The following TJP2 variants were observed in gnomAD, a reference collection of about 807,000 sequenced individuals.
TJP2 encodes tight junction protein 2.
TJP2 carries 91 observed loss-of-function variants against 133.1 expected under a neutral mutation model. The observed-to-expected ratio is 0.68, with a 90% confidence interval of 0.58 to 0.81. TJP2 has a LOEUF of 0.81. Ranked by LOEUF, TJP2 falls within the 40% of genes least tolerant of loss-of-function variation. TJP2 has a pLI of 0.00. For missense variants in TJP2, 1,541 were observed against 1,565.6 expected (o/e 0.98, Z 0.26); for synonymous variants, 592 against 583.4 (o/e 1.01, Z -0.21).
chr9:69,209,545 G>A (rs1827702041), intron 1 of TJP2, among the ~76,000 whole-genome samples: 1 of 151,894 alleles, frequency 6.6e-6, no homozygotes, highest in Non-Finnish European at 1.5e-5. Flanking sequence ...TCTAAGGTTG[G>A]GAGTTTGAGA....
chr9:69,167,167 G>T (rs1824402832), intron 2 of TJP2, among the ~76,000 whole-genome samples: 1 of 152,080 alleles, frequency 6.6e-6, no homozygotes, highest in African/African-American at 2.4e-5. Flanking sequence ...GAACTCAGGA[G>T]GCGGACGTTG....
chr9:69,241,319 AG>A (rs1830563475), intron 17 of TJP2, among the ~76,000 whole-genome samples: 1 of 152,200 alleles, frequency 6.6e-6, no homozygotes, highest in Non-Finnish European at 1.5e-5. Context: ...GTGGTCATGC[AG>A]GGCATTATTT....
At chr9:69,228,615 T>C (rs1563935650) in intron 9 of TJP2, among the ~76,000 whole-genome samples, 2 of 152,338 alleles carry the variant, frequency 1.3e-5, no homozygotes, top group East Asian at 3.8e-4. Context: ...TGTATATGTG[T>C]ATGTATAGAT....
chr9:69,188,807 TC>T, intron 1 of TJP2, among the ~76,000 whole-genome samples: 1 of 152,304 alleles, frequency 6.6e-6, no homozygotes, highest in East Asian at 1.9e-4. Flanking sequence ...TATTCTTTCT[TC>T]AAGTCCATAG....
chr9:69,235,167 T>TCTCAG (rs1830086083), intron 12 of TJP2, among the ~76,000 whole-genome samples: 1 of 152,182 alleles, frequency 6.6e-6, no homozygotes. Context: ...AGTGATTTAG[T>TCTCAG]TCTAGTCTCA....
chr9:69,231,002 TTGTGTA>T (rs543754371), intron 11 of TJP2, among the ~76,000 whole-genome samples: 1 of 152,132 alleles, frequency 6.6e-6, no homozygotes, highest in East Asian at 1.9e-4. Context: ...AACTTGACAT[TTGTGTA>T]TGTGTGTGTG....
chr9:69,205,039 A>C, intron 1 of TJP2: 1 of 1,445,312 alleles, frequency 6.9e-7, no homozygotes, highest in Non-Finnish European at 9.1e-7. Flanking sequence ...GTGAGATGAC[A>C]ACAGGATTTG....
At chr9:69,208,975 T>A (rs372111809) in intron 1 of TJP2, among the ~76,000 whole-genome samples, 6 of 152,154 alleles carry the variant, frequency 3.9e-5, no homozygotes, top group Non-Finnish European at 4.4e-5. Context: ...CTTGGAGAAG[T>A]GGGCATGCTC....
At chr9:69,233,729 A>T (rs1264869494) in intron 11 of TJP2, among the ~76,000 whole-genome samples, 1 of 152,078 alleles carries the variant, frequency 6.6e-6, no homozygotes, top group Admixed American at 6.5e-5. Flanking sequence ...GTGAGCCAAG[A>T]TCGCGCCATT....
chr9:69,228,252 G>C, intron 9 of TJP2, 138 bp downstream of exon 9: 1 of 1,117,524 alleles, frequency 8.9e-7, no homozygotes, highest in African/African-American at 1.5e-5. Context: ...TAATTAACAT[G>C]GTAACAGAAA....
chr9:69,245,895 A>G (rs1830892370), intron 17 of TJP2, among the ~76,000 whole-genome samples: 1 of 152,164 alleles, frequency 6.6e-6, no homozygotes, highest in South Asian at 2.1e-4. Flanking sequence ...TATATTCTAA[A>G]ATGTGTAAGT....
At chr9:69,203,450 C>T (rs763818355) in intron 1 of TJP2, among the ~76,000 whole-genome samples, 36 of 151,758 alleles carry the variant, frequency 2.4e-4, no homozygotes, top group Non-Finnish European at 4.6e-4. Flanking sequence ...TACAGGCACC[C>T]GCCAACATGC....
chr9:69,228,309 G>A (rs1275248775), intron 9 of TJP2, among the ~76,000 whole-genome samples, 195 bp downstream of exon 9: 1 of 152,194 alleles, frequency 6.6e-6, no homozygotes, highest in Non-Finnish European at 1.5e-5. Flanking sequence ...TAAACATTGG[G>A]TACAAATGGA....
At chr9:69,253,385 T>A (rs1337211810) in intron 22 of TJP2, 1 of 159,822 alleles carries the variant, frequency 6.3e-6, no homozygotes, top group Non-Finnish European at 1.4e-5. Flanking sequence ...AGTGTCTTCC[T>A]GTTGAAGTTT....
chr9:69,168,926 T>A (rs1454691043), intron 2 of TJP2, among the ~76,000 whole-genome samples: 1 of 150,656 alleles, frequency 6.6e-6, no homozygotes. Context: ...GTGGGGTGAT[T>A]ATTGTGGGAG....
Position 69,237,119 on chromosome 9 carries a change from G to C in TJP2, c.2162G>C (p.Arg721Thr), listed in dbSNP as rs751590493. The C allele has an allele frequency of 2.5e-6, 4 of 1,614,026 alleles. No individual in the cohort carries two copies. The highest frequency in any genetic ancestry group is 3.4e-6 in the Non-Finnish European group (4 of 1,180,006). Residue 721 changes from arginine to threonine, a missense_variant, in exon 14 of 23, where the codon AGG becomes ACG. Physicochemically the swap from Arg to Thr is moderately conservative, Grantham distance 71. Coordinates refer to ENST00000377245, the MANE Select transcript of TJP2 (RefSeq NM_004817.4). ...AGCACCAAGTTCCCAGCTTATGAGA[G>C]GGTTTTGCTGCGAGAAGGTGAGGAA... The part of the protein sequence containing the change: ...SVSTKFPAYE[R>T]VLLREAGFKR...
At chr9:69,237,807 C>A (rs1830301497) in intron 14 of TJP2, 71 bp from the exon 15 acceptor site, 1 of 1,096,616 alleles carries the variant, frequency 9.1e-7, no homozygotes, top group Non-Finnish European at 1.4e-6. Flanking sequence ...AAAGCCCATA[C>A]AATACTTTTA....
intron 1 of TJP2, among the ~76,000 whole-genome samples, chr9:69,181,095 T>C (rs1174358786): frequency 1.3e-5 from 2 of 152,150 alleles, no homozygotes; most frequent in Non-Finnish European, 2.9e-5. Context: ...TTTGTTAGAA[T>C]TGCGAATTTC....
chr9:69,218,115 A>G, intron 3 of TJP2, 142 bp from the exon 4 acceptor site: 1 of 682,968 alleles, frequency 1.5e-6, no homozygotes, highest in South Asian at 1.7e-5. Flanking sequence ...GGCCAAGTTG[A>G]CTGGGCCTTG....
Sources: gnomAD v4.1 joint callset for allele counts (sites outside exome capture counted in the v4.1 genomes callset) on GRCh38, gnomAD v4.1.1 for gene constraint, MANE v1.5 for transcripts, NCBI Gene and HGNC (gene_info 2026-07-23, HGNC 2026-07-21) for gene names.